Variants in SH3RF3 observed in about 807,000 individuals in gnomAD.
SH3RF3 encodes the protein SH3 domain containing ring finger 3.
A neutral mutation model predicts 66.3 loss-of-function variants in SH3RF3; 29 were observed. The observed-to-expected ratio is 0.44, with a 90% CI of 0.33 to 0.60. The LOEUF is 0.60. SH3RF3 is among the 20% of genes least tolerant of loss of function. The probability of loss-of-function intolerance (pLI) is 0.04; values close to 1 mark genes in which losing one functional copy is unlikely to be tolerated. For synonymous variants in SH3RF3, 583 were observed against 532.0 expected (o/e 1.10, Z -1.32); for missense variants, 1,194 against 1,190.9 (o/e 1.00, Z -0.04).
At chr2:109,460,726 T>C (rs1366684273) in intron 8 of SH3RF3, among the ~76,000 whole-genome samples, 3 of 152,224 alleles carry the variant, frequency 2.0e-5, no homozygotes, top group African/African-American at 7.2e-5. Context: ...TCACCAATTT[T>C]CCAATTATGT....
intron 1 of SH3RF3, among the ~76,000 whole-genome samples, chr2:109,172,248 C>T (rs577007972): frequency 2.4e-4 from 37 of 152,290 alleles, no homozygotes; most frequent in Non-Finnish European, 3.8e-4. Flanking sequence ...AAGTATCAGC[C>T]GCCACAGGGA....
chr2:109,146,739 T>C (rs1327630344), intron 1 of SH3RF3, among the ~76,000 whole-genome samples: 1 of 152,018 alleles, frequency 6.6e-6, no homozygotes, highest in African/African-American at 2.4e-5. Context: ...TCTGAGTATC[T>C]TTTTTTACAA....
At chr2:109,475,351 C>G (rs13408309) in intron 8 of SH3RF3, among the ~76,000 whole-genome samples, 12,793 of 152,312 alleles carry the variant, frequency 0.084, 1,251 homozygotes, top group African/African-American at 0.23. Context: ...TCTCCACCTC[C>G]TCATGCTCCA....
At chr2:109,242,833 G>A (rs1391507585) in intron 1 of SH3RF3, among the ~76,000 whole-genome samples, 1 of 152,166 alleles carries the variant, frequency 6.6e-6, no homozygotes. Context: ...CCCAAATAGA[G>A]CAATAGGGCC....
At chr2:109,449,136 T>C in intron 7 of SH3RF3, 34 bp from the exon 8 acceptor site, 1 of 1,600,502 alleles carries the variant, frequency 6.2e-7, no homozygotes, top group Non-Finnish European at 8.5e-7. Flanking sequence ...CAAACTAACC[T>C]TTCAACCTGC....
intron 1 of SH3RF3, among the ~76,000 whole-genome samples, chr2:109,278,618 G>A (rs1457859813): frequency 6.6e-6 from 1 of 152,216 alleles, no homozygotes; most frequent in Non-Finnish European, 1.5e-5. Flanking sequence ...GCTATTCACA[G>A]TCACTTGTGA....
At chr2:109,359,036 A>G (rs1574595999) in intron 2 of SH3RF3, among the ~76,000 whole-genome samples, 1 of 152,218 alleles carries the variant, frequency 6.6e-6, no homozygotes, top group Non-Finnish European at 1.5e-5. Context: ...TTTAAAAACT[A>G]TCTTTTCTCC....
Position 109,347,728 on chromosome 2 carries a change from C to A in SH3RF3, c.628C>A (p.Pro210Thr), listed in dbSNP as rs1157040571. The change falls in exon 2 of 10, where the codon CCT (proline) becomes ACT (threonine). Residue 210 changes from proline (P) to threonine (T), a missense_variant. By Grantham distance (38) the Pro-to-Thr change is conservative. Coordinates refer to ENST00000309415, the MANE Select transcript of SH3RF3 (RefSeq NM_001099289.3). Reference sequence around the variant, plus strand: ...CCTCTACAGCTACGAGGGGAAGGAACCTGGTGACCTCAAGTTCAACAAGGG... The same window carrying A: ...CCTCTACAGCTACGAGGGGAAGGAAACTGGTGACCTCAAGTTCAACAAGGG... ...KALYSYEGKE[P>T]GDLKFNKGDI... 1 of 1,613,920 alleles carries A rather than the reference C, an allele frequency of 6.2e-7. No individual in the cohort carries two copies. Among genetic ancestry groups the A allele is most frequent in the Admixed American group, 1.7e-5 (1 of 60,026 alleles).
At chr2:109,284,632 C>T (rs1680981878) in intron 1 of SH3RF3, among the ~76,000 whole-genome samples, 1 of 152,176 alleles carries the variant, frequency 6.6e-6, no homozygotes, top group Non-Finnish European at 1.5e-5. Flanking sequence ...CATGGGAGAC[C>T]ATTGCCAATG....
intron 7 of SH3RF3, among the ~76,000 whole-genome samples, chr2:109,446,291 C>G (rs1677701911): frequency 6.6e-6 from 1 of 152,158 alleles, no homozygotes; most frequent in African/African-American, 2.4e-5. Flanking sequence ...CTCAGAGACT[C>G]ACTCTTTTAT....
intron 1 of SH3RF3, among the ~76,000 whole-genome samples, chr2:109,280,074 G>C (rs1003809776): frequency 2.0e-5 from 3 of 151,974 alleles, no homozygotes; most frequent in Non-Finnish European, 4.4e-5. Context: ...TATTTTTTTC[G>C]ATCCCAGAGA....
At chr2:109,487,248 G>A (rs1025568064) in intron 8 of SH3RF3, among the ~76,000 whole-genome samples, 4 of 152,064 alleles carry the variant, frequency 2.6e-5, no homozygotes, top group South Asian at 2.1e-4. Flanking sequence ...CTCCTCCCAC[G>A]GTGTTGTCCC....
intron 1 of SH3RF3, among the ~76,000 whole-genome samples, chr2:109,164,126 T>G (rs1168164796): frequency 6.6e-6 from 1 of 152,188 alleles, no homozygotes; most frequent in East Asian, 1.9e-4. Flanking sequence ...TGTTAAATCC[T>G]TAAGGAATTA....
chr2:109,333,211 A>G (rs1191458034), intron 1 of SH3RF3, among the ~76,000 whole-genome samples: 2 of 152,222 alleles, frequency 1.3e-5, no homozygotes, highest in Non-Finnish European at 2.9e-5. Context: ...ACCTGTATCT[A>G]TCAGGTTCAG....
intron 1 of SH3RF3, among the ~76,000 whole-genome samples, chr2:109,297,907 A>G (rs1399956251): frequency 6.6e-6 from 1 of 151,364 alleles, no homozygotes; most frequent in Admixed American, 6.6e-5. Context: ...CAACCATGTC[A>G]ATGCTCCCCA....
chr2:109,383,858 C>G (rs1034047035), intron 3 of SH3RF3, among the ~76,000 whole-genome samples: 1 of 152,184 alleles, frequency 6.6e-6, no homozygotes, highest in African/African-American at 2.4e-5. Context: ...GTCCTTATAC[C>G]CTTTAAGTAA....
At chr2:109,399,349 A>C (rs1258745895) in intron 4 of SH3RF3, among the ~76,000 whole-genome samples, 7 of 152,238 alleles carry the variant, frequency 4.6e-5, no homozygotes, top group Admixed American at 6.5e-5. Flanking sequence ...AAGAGAAAGA[A>C]GGAGTCAGAG....
chr2:109,442,129 G>A (rs1018975398), intron 7 of SH3RF3, among the ~76,000 whole-genome samples: 1 of 152,108 alleles, frequency 6.6e-6, no homozygotes, highest in East Asian at 1.9e-4. Flanking sequence ...GGCTAACACA[G>A]TGAAACCCCG....
At chr2:109,189,104 T>G (rs1023214023) in intron 1 of SH3RF3, among the ~76,000 whole-genome samples, 1 of 152,108 alleles carries the variant, frequency 6.6e-6, no homozygotes, top group Admixed American at 6.5e-5. Flanking sequence ...CTGAGAGAGA[T>G]GCCTCCACTG....
Sources: gnomAD v4.1 joint callset for allele counts (sites outside exome capture counted in the v4.1 genomes callset) on GRCh38, gnomAD v4.1.1 for gene constraint, MANE v1.5 for transcripts, NCBI Gene and HGNC (gene_info 2026-07-23, HGNC 2026-07-21) for gene names.